SLC4A4: variants seen among roughly 807,000 people sequenced by gnomAD.
The protein encoded by SLC4A4 is solute carrier family 4 member 4.
SLC4A4 carries 27 observed loss-of-function variants against 111.5 expected under a neutral mutation model. That is an observed-to-expected ratio of 0.24 (90% CI 0.18 to 0.33). The LOEUF is 0.33. SLC4A4 is among the 10% of genes least tolerant of loss of function. SLC4A4 has a pLI of 1.00. For synonymous variants in SLC4A4, 443 were observed against 463.4 expected (o/e 0.96, Z 0.57); for missense variants, 909 against 1,315.5 (o/e 0.69, Z 4.78).
intron 7 of SLC4A4, among the ~76,000 whole-genome samples, chr4:71,423,516 A>G (rs1179015581): frequency 6.6e-6 from 1 of 152,220 alleles, no homozygotes. Context: ...GAACCAAAAA[A>G]GAGCCCGCAT....
intron 23 of SLC4A4, among the ~76,000 whole-genome samples, chr4:71,563,551 G>C (rs1028449237): frequency 4.6e-5 from 7 of 151,554 alleles, no homozygotes; most frequent in Admixed American, 4.6e-4. Flanking sequence ...GTTGTAGATC[G>C]ATCTCTATTT....
At chr4:71,310,431 C>T (rs957977193) in intron 3 of SLC4A4, among the ~76,000 whole-genome samples, 2 of 152,092 alleles carry the variant, frequency 1.3e-5, no homozygotes, top group African/African-American at 4.8e-5. Context: ...TAAAGGGCAG[C>T]CAGAGAGAAA....
chr4:71,145,966 TA>T (rs1468769740), intron 2 of SLC4A4, among the ~76,000 whole-genome samples: 1 of 152,214 alleles, frequency 6.6e-6, no homozygotes, highest in Admixed American at 6.5e-5. Flanking sequence ...GCTCTGATCT[TA>T]GTTATTTCTT....
intron 4 of SLC4A4, among the ~76,000 whole-genome samples, chr4:71,341,939 C>T (rs764100579): frequency 6.6e-6 from 1 of 152,196 alleles, no homozygotes; most frequent in Non-Finnish European, 1.5e-5. Context: ...TTACTCCTAG[C>T]CCCAACAGTA....
chr4:71,477,632 A>C (rs1036674484), intron 14 of SLC4A4, among the ~76,000 whole-genome samples: 1 of 151,844 alleles, frequency 6.6e-6, no homozygotes, highest in Non-Finnish European at 1.5e-5. Flanking sequence ...AAGGCTTTAA[A>C]GTCTAGGGGC....
At chr4:71,127,746 T>G (rs1743597140) in intron 2 of SLC4A4, among the ~76,000 whole-genome samples, 1 of 152,246 alleles carries the variant, frequency 6.6e-6, no homozygotes, top group Non-Finnish European at 1.5e-5. Context: ...TATGTACCTA[T>G]GAACATACAT....
chr4:71,411,140 G>A (rs1721326488), intron 7 of SLC4A4, among the ~76,000 whole-genome samples: 1 of 152,088 alleles, frequency 6.6e-6, no homozygotes, highest in Non-Finnish European at 1.5e-5. Flanking sequence ...CCTGCCTGGT[G>A]TCTCTCTCCA....
chr4:71,398,958 T>C (rs1178101683), intron 7 of SLC4A4, among the ~76,000 whole-genome samples: 6 of 152,226 alleles, frequency 3.9e-5, no homozygotes, highest in Non-Finnish European at 8.8e-5. Context: ...CAACCAACCA[T>C]GGACAGAATG....
chr4:71,236,439 A>C, intron 1 of SLC4A4, 137 bp from the exon 2 acceptor site: 1 of 811,632 alleles, frequency 1.2e-6, no homozygotes. Context: ...GCAGTAGCAG[A>C]CACCAGAAGA....
intron 14 of SLC4A4, among the ~76,000 whole-genome samples, chr4:71,475,120 T>C (rs562160649): frequency 2.6e-4 from 39 of 151,736 alleles, no homozygotes; most frequent in Non-Finnish European, 4.9e-4. Flanking sequence ...TATTTACGAC[T>C]TCTTAGGCAG....
chr4:71,358,132 G>A (rs1342758629), intron 6 of SLC4A4, among the ~76,000 whole-genome samples: 1 of 152,062 alleles, frequency 6.6e-6, no homozygotes, highest in Non-Finnish European at 1.5e-5. Context: ...GGCTAACATG[G>A]CGAAACCCCA....
chr4:71,546,282 T>C (rs1386361866), intron 18 of SLC4A4, 68 bp from the exon 19 acceptor site: 1 of 1,366,514 alleles, frequency 7.3e-7, no homozygotes, highest in African/African-American at 1.4e-5. Flanking sequence ...TTAATTCCCC[T>C]CTGGAAATAT....
intron 2 of SLC4A4, among the ~76,000 whole-genome samples, chr4:71,139,431 G>T (rs980866747): frequency 6.6e-6 from 1 of 152,100 alleles, no homozygotes; most frequent in Non-Finnish European, 1.5e-5. Context: ...TTTCACACTA[G>T]AACCCTGGTG....
chr4:71,488,247 A>G (rs1729599051), intron 15 of SLC4A4, among the ~76,000 whole-genome samples: 1 of 151,504 alleles, frequency 6.6e-6, no homozygotes, highest in South Asian at 2.1e-4. Context: ...ACTTAAGAAA[A>G]GAAATTGTTA....
At chr4:71,500,452 C>T (rs1730810343) in intron 16 of SLC4A4, among the ~76,000 whole-genome samples, 1 of 151,996 alleles carries the variant, frequency 6.6e-6, no homozygotes, top group African/African-American at 2.4e-5. Context: ...AGTTTCAGGT[C>T]TTATATTTAA....
rs145850246 is a variant in SLC4A4 at position 71,149,928 on chromosome 4, G to C, written c.-2+57136G>C. Among the ~76,000 whole-genome samples the C allele has an allele frequency of 1.5e-4, 23 of 152,238 alleles. No individual in the cohort carries two copies. The East Asian group carries it at 4.2e-3, about 28-fold the overall frequency. On this transcript the variant is annotated intron_variant, in intron 2 of 26. Coordinates refer to the SLC4A4 transcript ENST00000649996. ...TTAACTTAATTTTTGATCAACTTAAGTGTGAATTCCTTTTTTTAAAACTAA... is the reference window on the plus strand; with the variant it reads ...TTAACTTAATTTTTGATCAACTTAACTGTGAATTCCTTTTTTTAAAACTAA...
chr4:71,186,430 A>C (rs1235780875), upstream of SLC4A4, among the ~76,000 whole-genome samples: 6 of 152,226 alleles, frequency 3.9e-5, no homozygotes, highest in South Asian at 1.2e-3. Context: ...ATGAAAGCAC[A>C]GGCTCTCCCC....
chr4:71,153,031 G>GTA (rs1744354298), intron 2 of SLC4A4, among the ~76,000 whole-genome samples: 1 of 130,056 alleles, frequency 7.7e-6, no homozygotes, highest in Non-Finnish European at 1.6e-5. Flanking sequence ...ATATATGTGT[G>GTA]TGTATATATA....
intron 3 of SLC4A4, among the ~76,000 whole-genome samples, chr4:71,306,353 C>T (rs572329210): frequency 9.9e-5 from 15 of 152,210 alleles, no homozygotes; most frequent in South Asian, 4.1e-4. Context: ...GAGGCTGAGG[C>T]GGGTGGATCA....
Sources: allele counts gnomAD v4.1 joint callset (sites outside exome capture counted in the v4.1 genomes callset), GRCh38; gene constraint gnomAD v4.1.1; transcripts MANE v1.5; gene names NCBI Gene and HGNC (gene_info 2026-07-23, HGNC 2026-07-21).